Variants in UBAP2L observed in about 807,000 individuals in gnomAD.
The protein encoded by UBAP2L is ubiquitin-associated protein 2-like.
Under a neutral mutation model 130.6 loss-of-function variants are expected in UBAP2L, and 12 were observed. The ratio of observed to expected loss-of-function variants is 0.09; its 90% CI spans 0.06 to 0.15. The LOEUF is 0.15. Among genes scored for constraint, UBAP2L ranks in the 10% least tolerant of loss-of-function variants. The pLI is 1.00. For missense variants in UBAP2L, 965 were observed against 1,332.5 expected (o/e 0.72, Z 4.29); for synonymous variants, 503 against 524.7 (o/e 0.96, Z 0.57).
Position 154,236,921 on chromosome 1 carries a change from C to T in UBAP2L, c.591-103C>T, listed in dbSNP as rs528679499. The T allele has an allele frequency of 8.0e-6, 7 of 869,966 alleles. No individual in the cohort carries two copies. The East Asian group carries it at 1.3e-4, about 16-fold the overall frequency. 53.9% of individuals were successfully genotyped at this position (869,966 alleles called of 1,614,324 possible). A position where few individuals can be genotyped will look rare whatever the true frequency, so the allele number is the denominator to read the frequency against. On this transcript the variant is annotated intron_variant, in intron 7 of 26. Coordinates refer to ENST00000428931, the MANE Select transcript of UBAP2L (RefSeq NM_014847.4). The stretch of plus-strand genomic sequence containing the variant: ...ACAGGATTATAGAATGGGGCCATGA[C>T]AGATTTGTACTAGGAAGGATGCAGT...
intron 22 of UBAP2L, among the ~76,000 whole-genome samples, 200 bp downstream of exon 22, chr1:154,260,229 C>A (rs1449411085): frequency 6.6e-6 from 1 of 152,134 alleles, no homozygotes; most frequent in Admixed American, 6.5e-5. Flanking sequence ...ATATCTTAGC[C>A]AGGCATGGTA....
chr1:154,268,961 G>GC lies in UBAP2L; in HGVS notation c.3168+10dup. ...CCTGCAGCAGGATGGCCAGGTAATA[G>GC]CCCTTCCCCTTCTCTCCTTTCCCTT... On this transcript the variant is annotated splice_region_variant and intron_variant, in intron 26 of 26. Transcript: ENST00000428931. 3.7e-6 allele frequency: 6 copies of GC among 1,613,328 alleles called. No homozygotes were observed. The highest frequency in any genetic ancestry group is 4.2e-6 in the Non-Finnish European group (5 of 1,179,770).
chr1:154,257,153 G>T lies in UBAP2L; in HGVS notation c.2248G>T (p.Val750Phe). 1 of 1,614,130 alleles carries T rather than the reference G, an allele frequency of 6.2e-7. No homozygotes were observed. The highest frequency in any genetic ancestry group is 8.5e-7 in the Non-Finnish European group (1 of 1,180,036). ...SSTVSAPPPV[V>F]SVSSSLNSGS... ...CACAGTCTCTGCACCTCCCCCAGTGGTCAGTGTCTCCTCCAGTCTCAATAG... is the reference window on the plus strand; with the variant it reads ...CACAGTCTCTGCACCTCCCCCAGTGTTCAGTGTCTCCTCCAGTCTCAATAG... Residue 750 changes from valine to phenylalanine, a missense_variant, in exon 19 of 27, where the codon GTC becomes TTC. This residue lies in a region of UBAP2L where 393 missense variants were observed against 408.1 expected (regional missense o/e 0.96). Coordinates refer to ENST00000428931, the MANE Select transcript of UBAP2L (RefSeq NM_014847.4).
intron 5 of UBAP2L, 45 bp from the exon 6 acceptor site, chr1:154,235,149 TGG>T (rs755478359): frequency 1.4e-6 from 1 of 719,698 alleles, no homozygotes; most frequent in South Asian, 1.5e-5. Flanking sequence ...ATCTGTGGTT[TGG>T]TTTTTTTGTT....
intron 14 of UBAP2L, 139 bp downstream of exon 14, chr1:154,251,792 G>T: frequency 1.1e-6 from 1 of 944,190 alleles, no homozygotes; most frequent in Non-Finnish European, 1.6e-6. Context: ...AGCATTTTTA[G>T]TGCTTTAAAA....
Position 154,249,495 on chromosome 1 carries a change from G to T in UBAP2L, c.1213+58G>T. Reference sequence around the variant, plus strand: ...AGCATTGGAGCATTACTGTCAAGAGGCTAGCAGGGGGAGGGGGTGGAGAAT... The same window carrying T: ...AGCATTGGAGCATTACTGTCAAGAGTCTAGCAGGGGGAGGGGGTGGAGAAT... On this transcript the variant is annotated intron_variant, in intron 12 of 26. Coordinates refer to ENST00000428931, the MANE Select transcript of UBAP2L (RefSeq NM_014847.4). 4 of 1,602,612 alleles carry T rather than the reference G, an allele frequency of 2.5e-6. No individual in the cohort carries two copies. In the South Asian group the frequency reaches 4.4e-5, roughly 18 times the overall value.
chr1:154,248,673 G>A (rs1304223493), intron 11 of UBAP2L, among the ~76,000 whole-genome samples: 4 of 152,028 alleles, frequency 2.6e-5, no homozygotes, highest in Non-Finnish European at 4.4e-5. Context: ...AAAATTAGCC[G>A]GGTGTGGTGG....
At chr1:154,255,062 T>G in intron 16 of UBAP2L, 90 bp from the exon 17 acceptor site, 1 of 1,480,258 alleles carries the variant, frequency 6.8e-7, no homozygotes, top group East Asian at 2.3e-5. Context: ...CTCATCCTTT[T>G]GTCTTTGGAA....
chr1:154,253,570 G>C (rs1678582040), intron 14 of UBAP2L, among the ~76,000 whole-genome samples: 1 of 150,734 alleles, frequency 6.6e-6, no homozygotes, highest in Non-Finnish European at 1.5e-5. Context: ...TTTTAGTAGA[G>C]ACCATGTTAG....
chr1:154,238,863 C>T (rs146735418), intron 8 of UBAP2L, among the ~76,000 whole-genome samples: 3,398 of 152,154 alleles, frequency 0.022, 114 homozygotes, highest in African/African-American at 0.079. Flanking sequence ...GTCTCAGCCT[C>T]CTGAGTAGCT....
intron 6 of UBAP2L, 148 bp from the exon 7 acceptor site, chr1:154,236,418 C>T (rs565573229): frequency 6.6e-5 from 52 of 788,796 alleles, no homozygotes; most frequent in Middle Eastern, 5.9e-4. Context: ...AGGCTGGTCT[C>T]GAACTTCTGG....
intron 12 of UBAP2L, among the ~76,000 whole-genome samples, chr1:154,250,158 A>G (rs1420396174): frequency 6.6e-6 from 1 of 152,170 alleles, no homozygotes; most frequent in East Asian, 1.9e-4. Context: ...TCCTGGGCTC[A>G]AGCAGTCCTC....
At chr1:154,260,134 A>G (rs3828077) in intron 22 of UBAP2L, 105 bp downstream of exon 22, 156,000 of 1,259,290 alleles carry the variant, frequency 0.12, 12,794 homozygotes, top group East Asian at 0.43. Context: ...CAGGATTGGT[A>G]GATTCAAAAT....
intron 11 of UBAP2L, 63 bp downstream of exon 11, chr1:154,246,438 G>A (rs1675503060): frequency 6.6e-7 from 1 of 1,523,362 alleles, no homozygotes; most frequent in East Asian, 2.3e-5. Context: ...CACATACACA[G>A]TTCCTTCCAA....
At position 154,246,388 on chromosome 1, in the gene UBAP2L, C is replaced by A. The variant is rs769742731; in HGVS notation, c.1014+13C>A. 1.2e-6 allele frequency: 2 copies of A among 1,606,738 alleles called. No homozygotes were observed. The highest frequency in any genetic ancestry group is 1.7e-6 in the Non-Finnish European group (2 of 1,175,058). On this transcript the variant is annotated intron_variant, in intron 11 of 26. Transcript: ENST00000428931. ...TCATCACAGTATGGTGAGTAGGAAA[C>A]GTGGTTTATCCTAATCAAACCTTCC...
At chr1:154,261,759 G>A in intron 24 of UBAP2L, 62 bp downstream of exon 24, 1 of 1,537,324 alleles carries the variant, frequency 6.5e-7, no homozygotes, top group Non-Finnish European at 9.0e-7. Context: ...AAATTTCAGG[G>A]AGGAAGACTT....
At chr1:154,257,561 C>G in intron 20 of UBAP2L, 127 bp downstream of exon 20, 1 of 929,290 alleles carries the variant, frequency 1.1e-6, no homozygotes, top group East Asian at 2.6e-5. Flanking sequence ...GCAGTTGGCT[C>G]TGTGGAATCC....
chr1:154,262,981 T>C, intron 24 of UBAP2L: 1 of 914,854 alleles, frequency 1.1e-6, no homozygotes, highest in Non-Finnish European at 1.6e-6. Context: ...AATCCCACCT[T>C]CTTGCCTCCC....
chr1:154,267,880 CTTT>C (rs869153080), intron 25 of UBAP2L, among the ~76,000 whole-genome samples: 25 of 52,084 alleles, frequency 4.8e-4, no homozygotes, highest in East Asian at 4.7e-3. Flanking sequence ...CTTATTTGGT[CTTT>C]TTTTTTTTTT....
Sources: allele counts gnomAD v4.1 joint callset (sites outside exome capture counted in the v4.1 genomes callset), GRCh38; gene constraint gnomAD v4.1.1; regional missense constraint gnomAD v4.1.1; transcripts MANE v1.5; gene names NCBI Gene and HGNC (gene_info 2026-07-23, HGNC 2026-07-21).